PON2: variants seen among roughly 807,000 people sequenced by gnomAD.
PON2 encodes the protein paraoxonase 2.
Under a neutral mutation model 36.6 loss-of-function variants are expected in PON2, and 27 were observed. That is an observed-to-expected ratio of 0.74 (90% CI 0.54 to 1.02). The LOEUF (loss-of-function observed/expected upper bound fraction) is 1.02, where lower values mean the gene tolerates loss of function less well. Ranked by LOEUF, PON2 falls within the 50% of genes least tolerant of loss-of-function variation. The pLI is 0.00. For synonymous variants in PON2, 149 were observed against 156.3 expected, an observed-to-expected ratio of 0.95 and a Z score of 0.35; for missense variants, 363 against 421.1, an observed-to-expected ratio of 0.86 and a Z score of 1.21.
chr7:95,417,698 C>G (rs1022366718), intron 2 of PON2, among the ~76,000 whole-genome samples: 5 of 142,026 alleles, frequency 3.5e-5, no homozygotes, highest in African/African-American at 1.1e-4. Flanking sequence ...CAGACACACA[C>G]ACACACACAC....
At chr7:95,434,281 A>C (rs1789510445) in intron 1 of PON2, 1 of 152,266 alleles carries the variant, frequency 6.6e-6, no homozygotes, top group Non-Finnish European at 1.5e-5. Context: ...TTAAAACTAA[A>C]ATGCGAGATG....
At chr7:95,415,695 G>A (rs1006309592) in intron 3 of PON2, among the ~76,000 whole-genome samples, 3 of 152,130 alleles carry the variant, frequency 2.0e-5, no homozygotes, top group Non-Finnish European at 4.4e-5. Context: ...GCTCACTCCC[G>A]TAATGCCAGC....
chr7:95,416,461 C>T (rs1042222901), intron 2 of PON2, 164 bp from the exon 3 acceptor site: 5 of 768,928 alleles, frequency 6.5e-6, no homozygotes, highest in Non-Finnish European at 1.1e-5. Context: ...CAGTTTAAAC[C>T]CCTTCCTGAA....
chr7:95,432,426 AAAAC>A (rs1409272150), intron 1 of PON2, among the ~76,000 whole-genome samples: 1 of 152,216 alleles, frequency 6.6e-6, no homozygotes, highest in Non-Finnish European at 1.5e-5. Flanking sequence ...AAAACAAAGA[AAAAC>A]AAAAAACAAA....
chr7:95,419,572 T>C (rs964095983), intron 2 of PON2, among the ~76,000 whole-genome samples: 3 of 152,192 alleles, frequency 2.0e-5, no homozygotes, highest in Non-Finnish European at 2.9e-5. Context: ...TTAGCCTTTT[T>C]AGCAATAGGC....
At chr7:95,408,420 C>T (rs1007669164) in intron 6 of PON2, among the ~76,000 whole-genome samples, 1 of 152,166 alleles carries the variant, frequency 6.6e-6, no homozygotes, top group East Asian at 1.9e-4. Context: ...ACCAACAGGA[C>T]CTGCCTACAG....
At chr7:95,416,028 T>C in intron 3 of PON2, 1 of 765,334 alleles carries the variant, frequency 1.3e-6, no homozygotes, top group Non-Finnish European at 2.1e-6. Flanking sequence ...TGCAATGCAA[T>C]GGGGAAATAA....
At chr7:95,430,376 C>T (rs994600092) in intron 1 of PON2, among the ~76,000 whole-genome samples, 6 of 151,696 alleles carry the variant, frequency 4.0e-5, no homozygotes, top group Non-Finnish European at 8.8e-5. Context: ...CAATGGCTCA[C>T]TGCAACCTCC....
At chr7:95,417,397 G>A (rs966707872) in intron 2 of PON2, among the ~76,000 whole-genome samples, 20 of 152,104 alleles carry the variant, frequency 1.3e-4, no homozygotes, top group African/African-American at 2.7e-4. Context: ...ATGGCATAGC[G>A]GAGGAGTTCT....
chr7:95,423,697 G>C lies in PON2; in HGVS notation c.145+818C>G, dbSNP rs562806327. 2.0e-5 allele frequency among the ~76,000 whole-genome samples: 3 copies of C among 152,288 alleles called. No homozygotes were observed. The South Asian group carries it at 6.2e-4, about 32-fold the overall frequency. ...AAAACAAGTTTTTACAATACATATT[G>C]TGAAGTGCCGGTACATCAGTCCGTT... On this transcript the variant is annotated intron_variant, in intron 2 of 8. Transcript: ENST00000222572.
At chr7:95,407,258 T>G (rs1034527297) in intron 6 of PON2, among the ~76,000 whole-genome samples, 190 bp from the exon 7 acceptor site, 1 of 152,154 alleles carries the variant, frequency 6.6e-6, no homozygotes. Context: ...GCTACAACAA[T>G]CATGGAATTA....
intron 1 of PON2, chr7:95,434,412 C>G (rs1004115600): frequency 6.2e-6 from 1 of 160,034 alleles, no homozygotes; most frequent in African/African-American, 2.4e-5. Context: ...GTTTCTCAAA[C>G]TATGCAGAAA....
chr7:95,405,560 G>C, intron 8 of PON2, 72 bp from the exon 9 acceptor site: 1 of 1,429,406 alleles, frequency 7.0e-7, no homozygotes, highest in Admixed American at 1.7e-5. Flanking sequence ...AATAAGCCCT[G>C]TTTTCCACAA....
chr7:95,424,007 C>G (rs1789255099), intron 2 of PON2, among the ~76,000 whole-genome samples: 2 of 152,144 alleles, frequency 1.3e-5, no homozygotes. Context: ...CTCACTGGGT[C>G]CCTCCCACAA....
In PON2 at chr7:95,412,454, G is replaced by A. The variant is rs769636709; in HGVS notation, c.225C>T (p.His75=). 1.2e-5 allele frequency: 20 copies of A among 1,614,086 alleles called. No homozygotes were observed. The East Asian group carries it at 1.6e-4, about 13-fold the overall frequency. ...FSVGLKFPGL[H]SFAPDKPGGI... ...CTCCAGGCTTATCTGGTGCAAAGCT[G>A]TGGAGTCCTGGGAATTTTAGACCCT... Residue 75 remains histidine (H), a synonymous_variant, in exon 4 of 9, where the codon CAC becomes CAT. Coordinates refer to ENST00000222572, the MANE Select transcript of PON2 (RefSeq NM_000305.3).
chr7:95,434,552 A>G (rs2116516779), intron 1 of PON2, among the ~76,000 whole-genome samples: 1 of 152,318 alleles, frequency 6.6e-6, no homozygotes, highest in East Asian at 1.9e-4. Flanking sequence ...TTCAATTTAA[A>G]CCACTAGTTT....
chr7:95,426,092 A>G (rs1789309561), intron 1 of PON2, among the ~76,000 whole-genome samples: 1 of 152,126 alleles, frequency 6.6e-6, no homozygotes, highest in African/African-American at 2.4e-5. Context: ...ACTGGGGACT[A>G]CTAGAAGGGG....
At chr7:95,414,479 C>A (rs1413822747) in intron 3 of PON2, among the ~76,000 whole-genome samples, 2 of 152,064 alleles carry the variant, frequency 1.3e-5, no homozygotes, top group Admixed American at 1.3e-4. Flanking sequence ...ATAACATGCC[C>A]CCAAGCTAAA....
chr7:95,412,557 T>C (rs1788957878), intron 3 of PON2, 80 bp from the exon 4 acceptor site: 10 of 1,425,810 alleles, frequency 7.0e-6, no homozygotes, highest in Non-Finnish European at 9.8e-6. Flanking sequence ...ACATGAAGGA[T>C]AAATAGAGAT....
Sources: allele counts gnomAD v4.1 joint callset (sites outside exome capture counted in the v4.1 genomes callset), GRCh38; gene constraint gnomAD v4.1.1; transcripts MANE v1.5; gene names NCBI Gene and HGNC (gene_info 2026-07-23, HGNC 2026-07-21).